The following JADE3 variants were observed in gnomAD, a reference collection of about 807,000 sequenced individuals.
The protein encoded by JADE3 is jade family PHD finger 3, also known as protein Jade-3.
JADE3 carries 2 observed loss-of-function variants against 50.1 expected under a neutral mutation model. That is an observed-to-expected ratio of 0.04 (90% confidence interval 0.02 to 0.13). JADE3 has a LOEUF of 0.13. JADE3 is among the 10% of genes least tolerant of loss of function. The pLI is 1.00. For missense variants in JADE3, 475 were observed against 634.4 expected (o/e 0.75, Z 2.70); for synonymous variants, 218 against 232.9 (o/e 0.94, Z 0.58).
chrX:46,984,744 A>AT (rs1556354048), intron 1 of JADE3, 140 bp from the exon 2 acceptor site: 4 of 481,754 alleles, frequency 8.3e-6, no homozygotes, highest in Non-Finnish European at 1.5e-5. Flanking sequence ...ATTCTAAGTC[A>AT]TTTGAGAATA....
At chrX:47,026,844 G>A (rs1928919317) in intron 5 of JADE3, among the ~76,000 whole-genome samples, 1 of 110,734 alleles carries the variant, frequency 9.0e-6, no homozygotes, top group Non-Finnish European at 1.9e-5. Context: ...GATAAATAAC[G>A]TGTCAAAGTT....
intron 1 of JADE3, among the ~76,000 whole-genome samples, chrX:46,932,062 A>G (rs1434693362): frequency 3.6e-5 from 4 of 112,416 alleles, no homozygotes; most frequent in African/African-American, 6.5e-5. Flanking sequence ...CGTAAGCACT[A>G]CAACACTGTT....
intron 1 of JADE3, among the ~76,000 whole-genome samples, chrX:46,949,683 A>G (rs1289986159): frequency 9.0e-6 from 1 of 111,700 alleles, no homozygotes; most frequent in Admixed American, 9.5e-5. Flanking sequence ...AAGATATAAA[A>G]CATTTCTATG....
intron 1 of JADE3, among the ~76,000 whole-genome samples, chrX:46,962,855 T>G (rs1227802162): frequency 1.2e-5 from 1 of 81,851 alleles, no homozygotes; most frequent in Non-Finnish European, 2.5e-5. Flanking sequence ...TTTTTTTTTT[T>G]GGAGAAAGAG....
chrX:46,919,153 G>A (rs1465508389), intron 1 of JADE3, among the ~76,000 whole-genome samples: 1 of 112,542 alleles, frequency 8.9e-6, no homozygotes, highest in Non-Finnish European at 1.9e-5. Context: ...CTGGGAAGAA[G>A]CCAAAGGCAG....
intron 6 of JADE3, 31 bp from the exon 7 acceptor site, chrX:47,033,589 AC>A: frequency 8.6e-7 from 1 of 1,158,478 alleles, no homozygotes; most frequent in Non-Finnish European, 1.2e-6. Context: ...GAAGGTGCTG[AC>A]CATTCTCCCC....
chrX:47,048,095 T>C (rs1929417452), intron 8 of JADE3, among the ~76,000 whole-genome samples: 1 of 111,504 alleles, frequency 9.0e-6, no homozygotes, highest in Non-Finnish European at 1.9e-5. Flanking sequence ...GTTGGCCACG[T>C]AGGCATTGCT....
At chrX:46,922,573 TC>T (rs1482342513) in intron 1 of JADE3, among the ~76,000 whole-genome samples, 2 of 111,061 alleles carry the variant, frequency 1.8e-5, no homozygotes, top group African/African-American at 6.6e-5. Context: ...TATTGACTGA[TC>T]AATAACCTTG....
chrX:47,019,957 G>A (rs1323809560), intron 4 of JADE3, among the ~76,000 whole-genome samples: 1 of 112,436 alleles, frequency 8.9e-6, no homozygotes, highest in African/African-American at 3.2e-5. Flanking sequence ...GAAAGTTGAG[G>A]TTACCTCATC....
chrX:47,030,641 A>G (rs1175329519), intron 6 of JADE3, among the ~76,000 whole-genome samples: 1 of 112,545 alleles, frequency 8.9e-6, no homozygotes, highest in African/African-American at 3.2e-5. Flanking sequence ...ACACCATATT[A>G]CATTTCAGTG....
chrX:47,023,513 T>C (rs782088677), intron 4 of JADE3, among the ~76,000 whole-genome samples: 5 of 112,179 alleles, frequency 4.5e-5, no homozygotes, highest in East Asian at 2.8e-4. Context: ...CAGTCTATCA[T>C]TGATGGGCAT....
chrX:46,971,940 G>A (rs1927507506), intron 1 of JADE3, among the ~76,000 whole-genome samples: 1 of 109,965 alleles, frequency 9.1e-6, no homozygotes, highest in Admixed American at 9.7e-5. Flanking sequence ...GGATTGGGGT[G>A]GGGAGTGTTA....
At chrX:47,016,012 G>A (rs1167357581) in intron 4 of JADE3, among the ~76,000 whole-genome samples, 1 of 111,277 alleles carries the variant, frequency 9.0e-6, no homozygotes, top group Non-Finnish European at 1.9e-5. Flanking sequence ...TATGAATGGC[G>A]CTTTTATTTA....
intron 1 of JADE3, among the ~76,000 whole-genome samples, chrX:46,964,082 C>T: frequency 8.9e-6 from 1 of 112,033 alleles, no homozygotes; most frequent in Middle Eastern, 4.6e-3. Context: ...ATGTCATGAC[C>T]CTGATGATGG....
At chrX:47,010,482 C>T (rs1426814300) in intron 4 of JADE3, among the ~76,000 whole-genome samples, 1 of 112,019 alleles carries the variant, frequency 8.9e-6, no homozygotes, top group African/African-American at 3.2e-5. Flanking sequence ...CCTGGCTTGG[C>T]TGGGATTACA....
At chrX:46,965,019 A>G (rs1927339130) in intron 1 of JADE3, among the ~76,000 whole-genome samples, 1 of 111,911 alleles carries the variant, frequency 8.9e-6, no homozygotes, top group Non-Finnish European at 1.9e-5. Flanking sequence ...CCTTTCTTTA[A>G]AAGTGATAAT....
chrX:47,007,843 G>GTA (rs1928467385), intron 4 of JADE3, among the ~76,000 whole-genome samples: 1 of 107,408 alleles, frequency 9.3e-6, no homozygotes, highest in African/African-American at 3.4e-5. Flanking sequence ...GTGTGTGTGT[G>GTA]TGTGTGTGTG....
chrX:46,917,788 A>G (rs1400651203), intron 1 of JADE3, among the ~76,000 whole-genome samples: 1 of 75,864 alleles, frequency 1.3e-5, no homozygotes, highest in Non-Finnish European at 2.5e-5. Flanking sequence ...TCTCTCTCTA[A>G]TGGGAGGTCT....
At chrX:46,969,273 G>A (rs782065247) in intron 1 of JADE3, among the ~76,000 whole-genome samples, 2 of 110,760 alleles carry the variant, frequency 1.8e-5, no homozygotes, top group South Asian at 3.9e-4. Context: ...AAAATCAGCC[G>A]GGCGTGGTGG....
Sources: gnomAD v4.1 joint callset for allele counts (sites outside exome capture counted in the v4.1 genomes callset) on GRCh38, gnomAD v4.1.1 for gene constraint, MANE v1.5 for transcripts, NCBI Gene and HGNC (gene_info 2026-07-23, HGNC 2026-07-21) for gene names.